STPG2: variants seen among roughly 807,000 people sequenced by gnomAD.
STPG2 encodes the protein sperm-tail PG-rich repeat-containing protein 2.
A neutral mutation model predicts 54.2 loss-of-function variants in STPG2; 56 were observed. The observed-to-expected ratio is 1.03, with a 90% CI of 0.83 to 1.29. The LOEUF is 1.29. Among genes scored for constraint, STPG2 ranks in the 50% most tolerant of loss-of-function variants. The probability of loss-of-function intolerance (pLI) is 0.00; values close to 1 mark genes in which losing one functional copy is unlikely to be tolerated. For missense variants in STPG2, 596 were observed against 544.9 expected (o/e 1.09, Z -0.93); for synonymous variants, 200 against 181.8 (o/e 1.10, Z -0.81).
intron 5 of STPG2, among the ~76,000 whole-genome samples, chr4:98,021,803 G>A (rs1409837074): frequency 6.6e-6 from 1 of 151,630 alleles, no homozygotes; most frequent in African/African-American, 2.4e-5. Context: ...ATCTTTGTTG[G>A]TTTAAAGTCT....
Position 97,972,247 on chromosome 4 carries a change from A to G in STPG2, c.933+33T>C, listed in dbSNP as rs1366328100. ...GAACCCTAAGAGCTTGATATTCAAC[A>G]TAAAGAATATTATTTTTGTATGAAT... On this transcript the variant is annotated intron_variant, in intron 7 of 10. Transcript: ENST00000295268. The G allele has an allele frequency of 4.2e-6, 6 of 1,422,562 alleles. No homozygotes were observed. The African/African-American group carries it at 7.2e-5, about 17-fold the overall frequency. 88.1% of individuals were successfully genotyped at this position (1,422,562 alleles called of 1,614,324 possible). A position where few individuals can be genotyped will look rare whatever the true frequency, so the allele number is the denominator to read the frequency against.
chr4:97,914,770 G>C (rs1731810224), intron 8 of STPG2, among the ~76,000 whole-genome samples: 1 of 152,182 alleles, frequency 6.6e-6, no homozygotes, highest in South Asian at 2.1e-4. Flanking sequence ...GCTCCAATGA[G>C]CATTTTCTTT....
At chr4:97,802,315 T>C (rs1578578332) in intron 9 of STPG2, among the ~76,000 whole-genome samples, 1 of 152,276 alleles carries the variant, frequency 6.6e-6, no homozygotes, top group South Asian at 2.1e-4. Flanking sequence ...CAACTGTATA[T>C]GGCATTCTCC....
At chr4:98,142,711 C>A (rs2110175430) in intron 1 of STPG2, among the ~76,000 whole-genome samples, 1 of 146,844 alleles carries the variant, frequency 6.8e-6, no homozygotes, top group East Asian at 2.0e-4. Context: ...GAGGTAAGGG[C>A]ACAGGATTTG....
intron 8 of STPG2, among the ~76,000 whole-genome samples, chr4:97,879,049 A>G (rs1338740856): frequency 6.6e-6 from 1 of 152,178 alleles, no homozygotes; most frequent in Non-Finnish European, 1.5e-5. Context: ...TCTCCTTGCT[A>G]AAACATAGCA....
At chr4:98,058,234 C>T (rs6819657) in intron 5 of STPG2, among the ~76,000 whole-genome samples, 2 of 152,212 alleles carry the variant, frequency 1.3e-5, no homozygotes, top group African/African-American at 4.8e-5. Flanking sequence ...TATAAACAGG[C>T]TAAACTGCCC....
At chr4:97,957,473 T>C (rs1733723165) in intron 7 of STPG2, among the ~76,000 whole-genome samples, 1 of 151,828 alleles carries the variant, frequency 6.6e-6, no homozygotes, top group Non-Finnish European at 1.5e-5. Flanking sequence ...AGAAGGGAAA[T>C]CTAGAAGTTT....
intron 5 of STPG2, among the ~76,000 whole-genome samples, chr4:97,990,484 T>G (rs1046148979): frequency 1.3e-5 from 2 of 152,128 alleles, no homozygotes; most frequent in African/African-American, 2.4e-5. Context: ...AAAGACAACC[T>G]GCATTAATAT....
chr4:97,965,102 C>A (rs892001281), intron 7 of STPG2, among the ~76,000 whole-genome samples: 1 of 152,222 alleles, frequency 6.6e-6, no homozygotes. Flanking sequence ...GAAGCCGTGA[C>A]AGACTGTACC....
chr4:97,907,903 A>T (rs1448644081), intron 8 of STPG2, among the ~76,000 whole-genome samples: 1 of 152,208 alleles, frequency 6.6e-6, no homozygotes, highest in Non-Finnish European at 1.5e-5. Context: ...TAGACCTAAA[A>T]CCATAAAAAC....
At chr4:97,980,521 A>T (rs896421784) in intron 6 of STPG2, among the ~76,000 whole-genome samples, 2 of 152,204 alleles carry the variant, frequency 1.3e-5, no homozygotes, top group Non-Finnish European at 2.9e-5. Context: ...ACCCTGGGCC[A>T]CCATGTTAAA....
intron 10 of STPG2, among the ~76,000 whole-genome samples, chr4:97,678,782 G>A (rs1221426867): frequency 5.5e-5 from 3 of 54,110 alleles, no homozygotes; most frequent in Non-Finnish European, 1.1e-4. Context: ...ACCCTCCCCC[G>A]ACCCTACAAC....
At chr4:97,542,257 TCAAA>T (rs746601676) in intron 4 of STPG2, among the ~76,000 whole-genome samples, 21 of 152,148 alleles carry the variant, frequency 1.4e-4, no homozygotes, top group Non-Finnish European at 2.8e-4. Context: ...TACAAAGAAC[TCAAA>T]CAAATTCATA....
intron 7 of STPG2, among the ~76,000 whole-genome samples, chr4:97,971,763 G>A (rs544626721): frequency 4.1e-4 from 63 of 151,890 alleles, no homozygotes; most frequent in Middle Eastern, 3.4e-3. Context: ...AAACCTGCAC[G>A]TTCTGCACAT....
At chr4:98,142,772 A>G (rs754783453) in intron 1 of STPG2, among the ~76,000 whole-genome samples, 4 of 152,210 alleles carry the variant, frequency 2.6e-5, no homozygotes, top group Non-Finnish European at 4.4e-5. Context: ...TCCTAGACCT[A>G]AACTGCACAA....
chr4:97,550,550 T>C (rs1731942139), intron 4 of STPG2, among the ~76,000 whole-genome samples: 1 of 152,206 alleles, frequency 6.6e-6, no homozygotes, highest in South Asian at 2.1e-4. Context: ...TATGGAATAT[T>C]ATAACACTGT....
intron 9 of STPG2, among the ~76,000 whole-genome samples, chr4:97,737,097 C>T (rs570869021): frequency 1.3e-5 from 2 of 152,158 alleles, no homozygotes; most frequent in Non-Finnish European, 2.9e-5. Context: ...ACCCAGGCAA[C>T]CAGGGTCTGG....
chr4:97,734,383 ACCC>A (rs1448696144), intron 9 of STPG2, among the ~76,000 whole-genome samples: 1 of 152,076 alleles, frequency 6.6e-6, no homozygotes, highest in African/African-American at 2.4e-5. Context: ...TAAGCCAGGT[ACCC>A]ATTAGTAATT....
chr4:97,955,493 G>T (rs980823078), intron 7 of STPG2, among the ~76,000 whole-genome samples: 4 of 152,128 alleles, frequency 2.6e-5, no homozygotes, highest in Admixed American at 2.0e-4. Flanking sequence ...GGGATTACAG[G>T]TGTGAGCCAC....
Sources: gnomAD v4.1 joint callset for allele counts (sites outside exome capture counted in the v4.1 genomes callset) on GRCh38, gnomAD v4.1.1 for gene constraint, MANE v1.5 for transcripts, NCBI Gene and HGNC (gene_info 2026-07-23, HGNC 2026-07-21) for gene names.